PDE4B: variants seen among roughly 807,000 people sequenced by gnomAD.
PDE4B encodes phosphodiesterase 4B.
In PDE4B, 20 loss-of-function variants were observed where a neutral mutation model predicts 82.2. That is an observed-to-expected ratio of 0.24 (90% CI 0.17 to 0.35). The LOEUF (loss-of-function observed/expected upper bound fraction) is 0.35. PDE4B is among the 10% of genes least tolerant of loss of function. The pLI, the probability that PDE4B is intolerant of heterozygous loss-of-function variation, is 1.00. For synonymous variants in PDE4B, 320 were observed against 318.9 expected (o/e 1.00, Z -0.04); for missense variants, 655 against 907.2 (o/e 0.72, Z 3.57).
intron 3 of PDE4B, among the ~76,000 whole-genome samples, chr1:66,066,945 A>G (rs1435036056): frequency 6.6e-6 from 1 of 152,142 alleles, no homozygotes; most frequent in African/African-American, 2.4e-5. Context: ...GAAAAGTAAT[A>G]TAATCTTTTT....
chr1:66,193,923 T>G (rs1336344285), intron 3 of PDE4B, among the ~76,000 whole-genome samples: 1 of 151,556 alleles, frequency 6.6e-6, no homozygotes, highest in Non-Finnish European at 1.5e-5. Flanking sequence ...CCATGTCACA[T>G]TTGAACCATA....
intron 12 of PDE4B, among the ~76,000 whole-genome samples, chr1:66,364,724 C>A (rs918438416): frequency 6.6e-6 from 1 of 152,178 alleles, no homozygotes; most frequent in Admixed American, 6.6e-5. Context: ...TGTTTTTATA[C>A]CCTGTGTAAG....
At chr1:66,131,621 A>ATATATATC (rs1645951104) in intron 3 of PDE4B, among the ~76,000 whole-genome samples, 1 of 116,326 alleles carries the variant, frequency 8.6e-6, no homozygotes, top group African/African-American at 3.2e-5. Flanking sequence ...ATATATATAT[A>ATATATATC]TATATATATA....
intron 3 of PDE4B, among the ~76,000 whole-genome samples, chr1:65,998,243 G>A (rs907895596): frequency 6.6e-6 from 1 of 152,148 alleles, no homozygotes; most frequent in African/African-American, 2.4e-5. Context: ...ATAAACAGCT[G>A]AGTTGGGATT....
intron 3 of PDE4B, among the ~76,000 whole-genome samples, chr1:66,011,188 G>GT (rs990156027): frequency 7.9e-5 from 9 of 114,436 alleles, no homozygotes; most frequent in Non-Finnish European, 1.4e-4. Context: ...TTGTTTTTAT[G>GT]TTTTTTTGCT....
At chr1:65,850,228 C>T (rs953301069) in intron 1 of PDE4B, among the ~76,000 whole-genome samples, 3 of 150,118 alleles carry the variant, frequency 2.0e-5, no homozygotes, top group Non-Finnish European at 3.0e-5. Context: ...TCCCAAGTAG[C>T]TGGGATTACA....
chr1:66,233,229 C>T (rs1313476096), intron 3 of PDE4B, among the ~76,000 whole-genome samples: 2 of 152,134 alleles, frequency 1.3e-5, no homozygotes, highest in African/African-American at 2.4e-5. Flanking sequence ...TGGAATTATA[C>T]ATTATGTACT....
intron 3 of PDE4B, among the ~76,000 whole-genome samples, chr1:66,204,943 G>A (rs999080572): frequency 3.3e-5 from 5 of 152,192 alleles, no homozygotes; most frequent in South Asian, 2.1e-4. Flanking sequence ...TGTCGCTCAT[G>A]CTGGGAGCTG....
intron 3 of PDE4B, among the ~76,000 whole-genome samples, chr1:66,173,718 C>T (rs142245663): frequency 8.9e-4 from 136 of 152,310 alleles, no homozygotes; most frequent in African/African-American, 3.1e-3. Context: ...TTATGTAACT[C>T]ACTAAGAGTT....
intron 3 of PDE4B, among the ~76,000 whole-genome samples, chr1:66,156,055 C>G (rs1646496214): frequency 6.6e-6 from 1 of 152,142 alleles, no homozygotes; most frequent in Non-Finnish European, 1.5e-5. Flanking sequence ...GATTCAGTGT[C>G]TAAATGTTAT....
chr1:66,343,823 C>T (rs1264049945), intron 8 of PDE4B, among the ~76,000 whole-genome samples: 2 of 152,092 alleles, frequency 1.3e-5, no homozygotes, highest in Non-Finnish European at 2.9e-5. Context: ...TGGGTAATGA[C>T]CTCACTGGTG....
intron 3 of PDE4B, among the ~76,000 whole-genome samples, chr1:66,027,319 T>G (rs1278907060): frequency 1.3e-5 from 2 of 152,124 alleles, no homozygotes; most frequent in East Asian, 3.8e-4. Context: ...TGAAACTTAT[T>G]CCCTATCACA....
At chr1:65,941,012 T>C (rs1393961938) in intron 3 of PDE4B, among the ~76,000 whole-genome samples, 1 of 152,086 alleles carries the variant, frequency 6.6e-6, no homozygotes, top group Non-Finnish European at 1.5e-5. Flanking sequence ...TTTTTTTGCT[T>C]CAGAACTTTA....
chr1:66,332,155 G>A, intron 7 of PDE4B: 2 of 1,369,726 alleles, frequency 1.5e-6, no homozygotes, highest in Non-Finnish European at 1.9e-6. Flanking sequence ...GAGAGAGTCT[G>A]AGAAAACTCT....
intron 3 of PDE4B, among the ~76,000 whole-genome samples, chr1:66,048,189 T>G (rs1654819160): frequency 6.6e-6 from 1 of 151,918 alleles, no homozygotes. Flanking sequence ...CATTATCACT[T>G]CCTTTGGCTT....
intron 3 of PDE4B, among the ~76,000 whole-genome samples, chr1:65,931,753 C>G (rs758777579): frequency 6.6e-6 from 1 of 152,160 alleles, no homozygotes; most frequent in African/African-American, 2.4e-5. Context: ...AATCCCTACC[C>G]ACAGCTCAAT....
At chr1:65,887,097 A>G (rs1167345982) in intron 1 of PDE4B, among the ~76,000 whole-genome samples, 2 of 151,588 alleles carry the variant, frequency 1.3e-5, no homozygotes, top group Non-Finnish European at 2.9e-5. Flanking sequence ...GTTTCGATGT[A>G]CATTTCCCAT....
At chr1:65,793,813 A>G (rs1278226651) in intron 1 of PDE4B, among the ~76,000 whole-genome samples, 4 of 152,200 alleles carry the variant, frequency 2.6e-5, no homozygotes. Context: ...CTTTCTAGCT[A>G]CAAGAGTGTG....
chr1:66,302,614 T>C (rs1044452097), intron 7 of PDE4B, among the ~76,000 whole-genome samples: 7 of 152,184 alleles, frequency 4.6e-5, no homozygotes, highest in African/African-American at 1.7e-4. Context: ...GGGCTGGTAT[T>C]CTTAACCTCA....
Sources: allele counts gnomAD v4.1 joint callset (sites outside exome capture counted in the v4.1 genomes callset), GRCh38; gene constraint gnomAD v4.1.1; transcripts MANE v1.5; gene names NCBI Gene and HGNC (gene_info 2026-07-23, HGNC 2026-07-21).